Variants in PHF14 observed in about 807,000 individuals in gnomAD.
PHF14 encodes the protein PHD finger protein 14.
In PHF14, 55 loss-of-function variants were observed where a neutral mutation model predicts 117.9. The ratio of observed to expected loss-of-function variants is 0.47; its 90% CI spans 0.38 to 0.58. PHF14 has a LOEUF of 0.58. Ranked by LOEUF, PHF14 falls within the 20% of genes least tolerant of loss-of-function variation. The pLI is 0.00. For synonymous variants in PHF14, 409 were observed against 368.6 expected, an observed-to-expected ratio of 1.11 and a Z score of -1.26; for missense variants, 978 against 1,122.2, an observed-to-expected ratio of 0.87 and a Z score of 1.84.
chr7:11,014,653 C>G (rs188200404), intron 5 of PHF14, among the ~76,000 whole-genome samples: 1 of 152,090 alleles, frequency 6.6e-6, no homozygotes, highest in Non-Finnish European at 1.5e-5. Context: ...CTCCGTTCTA[C>G]GAGACCTCCT....
At chr7:11,109,767 A>G (rs1336914033) in intron 16 of PHF14, 1 of 151,904 alleles carries the variant, frequency 6.6e-6, no homozygotes, top group Non-Finnish European at 1.5e-5. Flanking sequence ...ATATATTTTT[A>G]GATGTGTGAT....
chr7:10,980,508 G>T (rs9647952), intron 2 of PHF14, among the ~76,000 whole-genome samples: 2,977 of 152,188 alleles, frequency 0.02, 41 homozygotes, highest in Middle Eastern at 0.044. Context: ...TAATTGCTGT[G>T]AGTGGTTTAC....
intron 17 of PHF14, among the ~76,000 whole-genome samples, chr7:11,122,352 T>TATATATATATATATATAC: frequency 1.2e-4 from 8 of 65,874 alleles, no homozygotes; most frequent in East Asian, 5.9e-4. Context: ...TATATATATA[T>TATATATATATATATATAC]ACACACACAC....
chr7:11,134,184 T>C (rs1382599546), intron 17 of PHF14, among the ~76,000 whole-genome samples: 1 of 152,002 alleles, frequency 6.6e-6, no homozygotes, highest in Non-Finnish European at 1.5e-5. Context: ...ACAGTAGGCT[T>C]GTAGAATCTA....
intron 17 of PHF14, among the ~76,000 whole-genome samples, chr7:11,168,369 G>A (rs1042322234): frequency 1.2e-4 from 18 of 152,110 alleles, no homozygotes; most frequent in African/African-American, 3.9e-4. Context: ...TTTTTCACCC[G>A]CCTTAATCAT....
chr7:11,050,484 C>T (rs1043756019), intron 13 of PHF14, among the ~76,000 whole-genome samples: 1 of 152,010 alleles, frequency 6.6e-6, no homozygotes, highest in African/African-American at 2.4e-5. Context: ...ATAAAGATTT[C>T]CAGCAGTTGT....
At chr7:11,080,255 T>TA (rs1786040431) in intron 16 of PHF14, among the ~76,000 whole-genome samples, 1 of 152,116 alleles carries the variant, frequency 6.6e-6, no homozygotes, top group South Asian at 2.1e-4. Context: ...CATCGTTATT[T>TA]AAAAAACAAT....
chr7:11,137,293 G>C (rs888153625), intron 17 of PHF14, among the ~76,000 whole-genome samples: 1 of 152,192 alleles, frequency 6.6e-6, no homozygotes, highest in African/African-American at 2.4e-5. Context: ...GAGGTGGCCA[G>C]TGCCTGCCAA....
At chr7:11,124,791 A>T (rs1165278592) in intron 17 of PHF14, among the ~76,000 whole-genome samples, 2 of 152,074 alleles carry the variant, frequency 1.3e-5, no homozygotes, top group African/African-American at 4.8e-5. Flanking sequence ...CTCAAATTAG[A>T]TTTTGTCCTA....
chr7:11,167,566 C>T (rs550648389), intron 17 of PHF14, among the ~76,000 whole-genome samples: 1 of 152,176 alleles, frequency 6.6e-6, no homozygotes, highest in South Asian at 2.1e-4. Context: ...GTATAAGATA[C>T]AGAAGATAAA....
chr7:11,007,128 G>C (rs963178313), intron 4 of PHF14, among the ~76,000 whole-genome samples: 1 of 152,016 alleles, frequency 6.6e-6, no homozygotes, highest in Non-Finnish European at 1.5e-5. Flanking sequence ...AGGAGGCGGA[G>C]ATTGCAGTGA....
At chr7:11,153,001 G>T (rs1788744100) in intron 17 of PHF14, among the ~76,000 whole-genome samples, 1 of 152,166 alleles carries the variant, frequency 6.6e-6, no homozygotes. Flanking sequence ...GCCTGATGAT[G>T]TACTTTCTAG....
intron 14 of PHF14, among the ~76,000 whole-genome samples, chr7:11,053,350 CTAAG>C (rs1003907920): frequency 6.6e-6 from 1 of 152,082 alleles, no homozygotes; most frequent in Admixed American, 6.6e-5. Context: ...TTTGGGTGCT[CTAAG>C]TAGATCAACT....
At chr7:11,037,207 C>T (rs1784345090) in intron 10 of PHF14, 116 bp downstream of exon 10, 1 of 883,664 alleles carries the variant, frequency 1.1e-6, no homozygotes, top group Non-Finnish European at 1.7e-6. Flanking sequence ...AGCTCTTTGG[C>T]TCTTCCCTAT....
chr7:11,078,955 CAT>C (rs1223308215), intron 16 of PHF14, among the ~76,000 whole-genome samples: 6 of 152,018 alleles, frequency 3.9e-5, no homozygotes, highest in Non-Finnish European at 8.8e-5. Context: ...TAGCATTTCT[CAT>C]ATTTATTATC....
Position 10,983,014 on chromosome 7 carries a change from A to G in PHF14, c.755A>G (p.Asp252Gly). The G allele has an allele frequency of 1.3e-6, 2 of 1,584,472 alleles. No homozygotes were observed. The highest frequency in any genetic ancestry group is 1.1e-5 in the South Asian group (1 of 88,128). ...EGSGSDEDEN[D>G]EGNDEDHSSP... ...AGCGGGAGTGATGAAGACGAGAATGATGAAGGCAATGATGAAGATCATAGT... is the reference window on the plus strand; with the variant it reads ...AGCGGGAGTGATGAAGACGAGAATGGTGAAGGCAATGATGAAGATCATAGT... Residue 252 changes from aspartate (D) to glycine (G), a missense_variant, in exon 3 of 18, where the codon GAT (aspartate) becomes GGT (glycine). Transcript: ENST00000634607.
intron 4 of PHF14, among the ~76,000 whole-genome samples, chr7:11,005,342 T>A (rs1783042834): frequency 6.6e-6 from 1 of 152,232 alleles, no homozygotes; most frequent in South Asian, 2.1e-4. Flanking sequence ...CTTCCCCTTT[T>A]TTTCCTTTTC....
At chr7:11,039,416 C>G (rs1264888144) in intron 11 of PHF14, among the ~76,000 whole-genome samples, 2 of 151,968 alleles carry the variant, frequency 1.3e-5, no homozygotes, top group Non-Finnish European at 1.5e-5. Context: ...AAACTTTATT[C>G]ATGAACACCT....
chr7:11,073,999 A>G (rs1161557747), intron 16 of PHF14, among the ~76,000 whole-genome samples: 1 of 152,146 alleles, frequency 6.6e-6, no homozygotes, highest in African/African-American at 2.4e-5. Context: ...AGCCCCAGGC[A>G]TGGCCTCTGA....
Sources: gnomAD v4.1 joint callset for allele counts (sites outside exome capture counted in the v4.1 genomes callset) on GRCh38, gnomAD v4.1.1 for gene constraint, MANE v1.5 for transcripts, NCBI Gene and HGNC (gene_info 2026-07-23, HGNC 2026-07-21) for gene names.